The following ZNF407 variants were observed in gnomAD, a reference collection of about 807,000 sequenced individuals.
The protein encoded by ZNF407 is zinc finger protein 407.
A neutral mutation model predicts 131.2 loss-of-function variants in ZNF407; 17 were observed. That is an observed-to-expected ratio of 0.13 (90% CI 0.09 to 0.19). ZNF407 has a LOEUF of 0.19. Among genes scored for constraint, ZNF407 ranks in the 10% least tolerant of loss-of-function variants. The pLI is 1.00. For synonymous variants in ZNF407, 1,156 were observed against 1,062.0 expected, an observed-to-expected ratio of 1.09 and a Z score of -1.72; for missense variants, 2,681 against 2,830.6, an observed-to-expected ratio of 0.95 and a Z score of 1.20.
At position 74,637,923 on chromosome 18, in the gene ZNF407, C is replaced by T. The variant is rs879274824; in HGVS notation, c.4687+2217C>T. ...AGGAAAAAGGATCCTAGAGTCTCCC[C>T]GTGTGCATGCTACTACGAAGTAATC... On this transcript the variant is annotated intron_variant, in intron 2 of 8. Coordinates refer to ENST00000299687, the MANE Select transcript of ZNF407 (RefSeq NM_017757.3). Among the ~76,000 whole-genome samples the T allele has an allele frequency of 5.3e-5, 8 of 152,278 alleles. No individual in the cohort carries two copies. In the East Asian group the frequency reaches 9.6e-4, roughly 18 times the overall value.
At chr18:74,914,447 T>C (rs948184202) in intron 7 of ZNF407, among the ~76,000 whole-genome samples, 2 of 152,216 alleles carry the variant, frequency 1.3e-5, no homozygotes, top group African/African-American at 4.8e-5. Context: ...CGTCACTTCC[T>C]ACCTACCTTT....
intron 8 of ZNF407, among the ~76,000 whole-genome samples, chr18:75,007,422 C>G (rs928849956): frequency 3.3e-5 from 5 of 152,126 alleles, no homozygotes; most frequent in Admixed American, 1.3e-4. Context: ...CACAGGGCAC[C>G]GCAGCGCCTT....
intron 6 of ZNF407, among the ~76,000 whole-genome samples, chr18:74,889,701 T>C (rs1971358622): frequency 6.6e-6 from 1 of 152,216 alleles, no homozygotes; most frequent in Admixed American, 6.5e-5. Flanking sequence ...ATCTATACTT[T>C]GCTTACATTC....
intron 3 of ZNF407, among the ~76,000 whole-genome samples, chr18:74,763,993 G>T (rs575461732): frequency 6.6e-6 from 1 of 151,990 alleles, no homozygotes; most frequent in East Asian, 1.9e-4. Context: ...GATTACAGGC[G>T]TGAGCCACCG....
chr18:74,640,876 G>A, intron 2 of ZNF407, 132 bp from the exon 3 acceptor site: 1 of 650,336 alleles, frequency 1.5e-6, no homozygotes, highest in South Asian at 1.9e-5. Context: ...ATAAATGAAT[G>A]CAAGTATTCC....
chr18:74,631,863 C>G lies in ZNF407; in HGVS notation c.844C>G (p.Gln282Glu). 1 of 1,613,872 alleles carries G rather than the reference C, an allele frequency of 6.2e-7. No individual in the cohort carries two copies. Among genetic ancestry groups the G allele is most frequent in the Non-Finnish European group, 8.5e-7 (1 of 1,179,860 alleles). The stretch of plus-strand genomic sequence containing the variant: ...TCTGGCTGCTCGTGGAGGATTTGTA[C>G]AGATCTTAACAAAACAACCTTTTCC... ...QNLAARGGFV[Q>E]ILTKQPFPKK... The change falls in exon 2 of 9, where the codon CAG becomes GAG. Residue 282 changes from glutamine (Q) to glutamate (E), a missense_variant. By Grantham distance (29) the Gln-to-Glu change is conservative. Transcript: ENST00000299687.
intron 4 of ZNF407, among the ~76,000 whole-genome samples, chr18:74,856,052 T>G (rs1970855090): frequency 6.6e-6 from 1 of 152,244 alleles, no homozygotes; most frequent in African/African-American, 2.4e-5. Flanking sequence ...CTTTCTTCTC[T>G]GAATAAAATT....
At chr18:74,706,624 G>A (rs757830473) in intron 3 of ZNF407, among the ~76,000 whole-genome samples, 3 of 152,176 alleles carry the variant, frequency 2.0e-5, no homozygotes, top group Non-Finnish European at 4.4e-5. Flanking sequence ...CAGAAAATGA[G>A]CAGCAGCAAC....
chr18:74,685,337 G>A (rs1967072400), intron 3 of ZNF407, among the ~76,000 whole-genome samples: 1 of 152,146 alleles, frequency 6.6e-6, no homozygotes, highest in South Asian at 2.1e-4. Flanking sequence ...TACTTTCAAA[G>A]TATATTCAGA....
chr18:74,780,244 T>C (rs1001674763), intron 3 of ZNF407, among the ~76,000 whole-genome samples: 3 of 152,196 alleles, frequency 2.0e-5, no homozygotes, highest in Admixed American at 1.3e-4. Context: ...TGAGATTCTG[T>C]AATATTATAT....
intron 3 of ZNF407, among the ~76,000 whole-genome samples, chr18:74,719,401 AC>A (rs1436248116): frequency 6.6e-6 from 1 of 151,436 alleles, no homozygotes; most frequent in Non-Finnish European, 1.5e-5. Flanking sequence ...TTACTTACTT[AC>A]TTACTTATTT....
chr18:74,776,983 G>T (rs1392485645), intron 3 of ZNF407, among the ~76,000 whole-genome samples: 1 of 152,142 alleles, frequency 6.6e-6, no homozygotes, highest in Non-Finnish European at 1.5e-5. Context: ...GCCTTACTGT[G>T]TCAAGGGTGG....
intron 4 of ZNF407, among the ~76,000 whole-genome samples, chr18:74,792,155 A>T (rs1030492423): frequency 5.3e-5 from 8 of 152,158 alleles, no homozygotes; most frequent in African/African-American, 1.9e-4. Flanking sequence ...CATACTGTTT[A>T]TGTATGGAAT....
chr18:74,687,232 C>T lies in ZNF407; in HGVS notation c.4802+46110C>T, dbSNP rs117813454. On this transcript the variant is annotated intron_variant, in intron 3 of 8. Transcript: ENST00000299687. ...GCTTTATGGTGTATACTTGTAGTGCCAGGTCCTCGAGAGGCTGAGGCAAGA... is the reference window on the plus strand; with the variant it reads ...GCTTTATGGTGTATACTTGTAGTGCTAGGTCCTCGAGAGGCTGAGGCAAGA... Among the ~76,000 whole-genome samples the T allele has an allele frequency of 2.3e-3, 344 of 152,220 alleles. 1 individual carries two copies. Among genetic ancestry groups the T allele is most frequent in the Non-Finnish European group, 4.1e-3 (279 of 68,002 alleles).
intron 4 of ZNF407, among the ~76,000 whole-genome samples, chr18:74,870,967 G>C (rs757359704): frequency 6.6e-6 from 1 of 152,214 alleles, no homozygotes; most frequent in Admixed American, 6.5e-5. Flanking sequence ...TCTACAAGCA[G>C]TATTGTAATT....
chr18:74,931,232 G>T (rs1343614551), intron 8 of ZNF407, among the ~76,000 whole-genome samples: 1 of 152,078 alleles, frequency 6.6e-6, no homozygotes, highest in Non-Finnish European at 1.5e-5. Flanking sequence ...TAAAAATTTT[G>T]TGCTTCAAAG....
chr18:74,631,907 G>C lies in ZNF407; in HGVS notation c.888G>C (p.Met296Ile). ...CTTTTCCTAAAAAATCACGTACAAT[G>C]GCAACAAAAAATGTTCACTCAAAAC... Reference protein sequence around the residue: ...KQPFPKKSRTMATKNVHSKPR... With the variant: ...KQPFPKKSRTIATKNVHSKPR... The change falls in exon 2 of 9, where the codon ATG (methionine) becomes ATC (isoleucine). Residue 296 changes from methionine (M) to isoleucine (I), a missense_variant. This residue lies in a region of ZNF407 where 1,789 missense variants were observed against 1,748.7 expected (regional missense o/e 1.02). Coordinates refer to ENST00000299687, the MANE Select transcript of ZNF407 (RefSeq NM_017757.3). The C allele has an allele frequency of 6.2e-7, 1 of 1,613,722 alleles. No homozygotes were observed. The highest frequency in any genetic ancestry group is 8.5e-7 in the Non-Finnish European group (1 of 1,179,856).
chr18:74,770,325 A>T lies in ZNF407; in HGVS notation c.4803-11103A>T, dbSNP rs534152911. ...AAGTGGGAGAATCGCTTGAGTCTGGAAGGTGAAGGCTGCATTGAGCCATGA... is the reference window on the plus strand; with the variant it reads ...AAGTGGGAGAATCGCTTGAGTCTGGTAGGTGAAGGCTGCATTGAGCCATGA... On this transcript the variant is annotated intron_variant, in intron 3 of 8. Transcript: ENST00000299687. Among the ~76,000 whole-genome samples the T allele has an allele frequency of 1.6e-3, 245 of 152,098 alleles. 2 individuals carry two copies. The highest frequency in any genetic ancestry group is 3.0e-3 in the Non-Finnish European group (202 of 67,982).
At chr18:74,954,536 C>T (rs983515541) in intron 8 of ZNF407, among the ~76,000 whole-genome samples, 1 of 151,998 alleles carries the variant, frequency 6.6e-6, no homozygotes, top group Admixed American at 6.6e-5. Flanking sequence ...GCATTATAAT[C>T]ATGCAATAAT....
Sources: allele counts gnomAD v4.1 joint callset (sites outside exome capture counted in the v4.1 genomes callset), GRCh38; gene constraint gnomAD v4.1.1; regional missense constraint gnomAD v4.1.1; transcripts MANE v1.5; gene names NCBI Gene and HGNC (gene_info 2026-07-23, HGNC 2026-07-21).